Variants in LAMA2 observed in about 807,000 individuals in gnomAD.
The protein encoded by LAMA2 is laminin subunit alpha 2.
In LAMA2, 269 loss-of-function variants were observed where a neutral mutation model predicts 364.8. The ratio of observed to expected loss-of-function variants is 0.74; its 90% confidence interval spans 0.67 to 0.82. The LOEUF (loss-of-function observed/expected upper bound fraction) is 0.82. LAMA2 is among the 40% of genes least tolerant of loss of function. LAMA2 has a pLI of 0.00. For synonymous variants in LAMA2, 1,379 were observed against 1,370.6 expected, an observed-to-expected ratio of 1.01 and a Z score of -0.14; for missense variants, 3,807 against 3,873.2, an observed-to-expected ratio of 0.98 and a Z score of 0.45.
intron 32 of LAMA2, among the ~76,000 whole-genome samples, 178 bp downstream of exon 32, chr6:129,353,535 T>C (rs2114594239): frequency 6.6e-6 from 1 of 151,930 alleles, no homozygotes; most frequent in South Asian, 2.1e-4. Context: ...TGATTGCGTG[T>C]CCATCCTGCT....
intron 1 of LAMA2, among the ~76,000 whole-genome samples, chr6:128,957,076 C>A (rs1170085172): frequency 6.6e-6 from 1 of 151,934 alleles, no homozygotes; most frequent in Non-Finnish European, 1.5e-5. Flanking sequence ...AAGAAATTTG[C>A]CAGGGAAAGA....
At chr6:129,183,063 T>G (rs1781023844) in intron 10 of LAMA2, among the ~76,000 whole-genome samples, 1 of 152,032 alleles carries the variant, frequency 6.6e-6, no homozygotes, top group Non-Finnish European at 1.5e-5. Context: ...ATCATCATTA[T>G]ATTTCAAAAT....
chr6:129,077,997 C>T (rs961109078), intron 3 of LAMA2, among the ~76,000 whole-genome samples: 2 of 152,086 alleles, frequency 1.3e-5, no homozygotes, highest in African/African-American at 4.8e-5. Flanking sequence ...CGAATGTAAA[C>T]TATAGGCTTT....
chr6:129,106,190 A>T lies in LAMA2; in HGVS notation c.639+7775A>T, dbSNP rs1446464973. On this transcript the variant is annotated intron_variant, in intron 4 of 64. Coordinates refer to ENST00000421865, the MANE Select transcript of LAMA2 (RefSeq NM_000426.4). ...TTTGTAAACTGTATGTAGAGCTTTG[A>T]TATTATTTTGATTTCCTATGTGACA... Among the ~76,000 whole-genome samples, 6 of 150,516 alleles carry T rather than the reference A, an allele frequency of 4.0e-5. No homozygotes were observed. In the East Asian group the frequency reaches 7.8e-4, roughly 20 times the overall value.
chr6:129,204,655 GA>G (rs1429512336), intron 12 of LAMA2, among the ~76,000 whole-genome samples: 2 of 152,090 alleles, frequency 1.3e-5, no homozygotes, highest in Non-Finnish European at 2.9e-5. Context: ...CTAGAACTGT[GA>G]AACAATACAT....
chr6:129,269,044 T>C (rs1787731756), intron 16 of LAMA2, among the ~76,000 whole-genome samples: 1 of 152,144 alleles, frequency 6.6e-6, no homozygotes. Flanking sequence ...TTAAGTAGCA[T>C]GGTTTTTAGC....
At position 129,315,797 on chromosome 6, in the gene LAMA2, C is replaced by G. The variant is rs1459925112; in HGVS notation, c.3771C>G (p.Ile1257Met). 6.2e-7 allele frequency: 1 copy of G among 1,614,102 alleles called. No homozygotes were observed. Among genetic ancestry groups the G allele is most frequent in the Non-Finnish European group, 8.5e-7 (1 of 1,180,014 alleles). The change falls in exon 26 of 65, where the codon ATC becomes ATG. Residue 1257 changes from isoleucine to methionine, a missense_variant. Around this residue, in one of 3 missense-constraint regions of LAMA2, gnomAD observed 3,333 missense variants for 3,345.7 expected, o/e 1.00. Transcript: ENST00000421865. ...MAYGGKLKYAIYFEAREETGF... is the reference protein window; with the variant it reads ...MAYGGKLKYAMYFEAREETGF... ...ATGGGGGCAAACTCAAGTATGCAAT[C>G]TATTTCGAGGCTCGGGAAGAAACAG...
chr6:129,057,616 G>A (rs1788577953), intron 2 of LAMA2, among the ~76,000 whole-genome samples: 1 of 152,092 alleles, frequency 6.6e-6, no homozygotes, highest in Non-Finnish European at 1.5e-5. Context: ...CCACTGCTGT[G>A]AGCGGAATTT....
Position 129,171,250 on chromosome 6 carries a change from A to T in LAMA2, c.1306+5575A>T, listed in dbSNP as rs1405287868. On this transcript the variant is annotated intron_variant, in intron 9 of 64. Coordinates refer to ENST00000421865, the MANE Select transcript of LAMA2 (RefSeq NM_000426.4). ...AGCTGGTTATTTTGCTCGTTAGTTG[A>T]TGCAGTTTCTTCCTAGCATCGATGG... 7.2e-5 allele frequency among the ~76,000 whole-genome samples: 11 copies of T among 152,206 alleles called. No homozygotes were observed. The East Asian group carries it at 7.7e-4, about 11-fold the overall frequency.
At chr6:128,981,078 A>G (rs1320780381) in intron 1 of LAMA2, among the ~76,000 whole-genome samples, 1 of 152,174 alleles carries the variant, frequency 6.6e-6, no homozygotes, top group African/African-American at 2.4e-5. Context: ...TGCCTAAGTC[A>G]GAAACCTAGG....
intron 12 of LAMA2, among the ~76,000 whole-genome samples, chr6:129,224,683 C>G (rs1289371529): frequency 6.6e-6 from 1 of 152,150 alleles, no homozygotes; most frequent in East Asian, 1.9e-4. Flanking sequence ...GTGGATGAAG[C>G]CCACTTGATC....
intron 40 of LAMA2, among the ~76,000 whole-genome samples, chr6:129,426,320 C>G (rs1460614189): frequency 2.6e-5 from 4 of 152,070 alleles, no homozygotes; most frequent in Non-Finnish European, 5.9e-5. Flanking sequence ...TTTCCTGTCT[C>G]TAAATTGTTT....
chr6:129,370,814 A>G (rs1778032001), intron 34 of LAMA2, among the ~76,000 whole-genome samples: 1 of 152,238 alleles, frequency 6.6e-6, no homozygotes, highest in Non-Finnish European at 1.5e-5. Context: ...CAGGGACTTA[A>G]GCTGGACCCA....
intron 48 of LAMA2, among the ~76,000 whole-genome samples, chr6:129,457,349 A>G (rs1218026284): frequency 6.6e-6 from 1 of 152,268 alleles, no homozygotes; most frequent in East Asian, 1.9e-4. Flanking sequence ...GGTACATAGT[A>G]ATATATAGTC....
chr6:128,892,512 A>G (rs1776521972), intron 1 of LAMA2, among the ~76,000 whole-genome samples: 1 of 152,048 alleles, frequency 6.6e-6, no homozygotes, highest in Non-Finnish European at 1.5e-5. Context: ...AGATAAATAT[A>G]TGGCATATAG....
intron 30 of LAMA2, among the ~76,000 whole-genome samples, chr6:129,346,065 TAGTTCA>T (rs1470883644): frequency 6.6e-6 from 1 of 152,168 alleles, no homozygotes; most frequent in Non-Finnish European, 1.5e-5. Flanking sequence ...TCCACGGCAT[TAGTTCA>T]AGTCCTCATT....
At chr6:129,337,528 C>A (rs1776020763) in intron 29 of LAMA2, among the ~76,000 whole-genome samples, 1 of 152,032 alleles carries the variant, frequency 6.6e-6, no homozygotes, top group African/African-American at 2.4e-5. Flanking sequence ...TAAGGAAAAA[C>A]TTCACAGCTT....
At chr6:128,892,908 A>G (rs1776549073) in intron 1 of LAMA2, among the ~76,000 whole-genome samples, 1 of 151,988 alleles carries the variant, frequency 6.6e-6, no homozygotes, top group Non-Finnish European at 1.5e-5. Context: ...TACTCTAACA[A>G]ATCTCTAGAG....
intron 1 of LAMA2, among the ~76,000 whole-genome samples, chr6:129,010,432 C>T (rs939354683): frequency 1.3e-5 from 2 of 152,176 alleles, no homozygotes; most frequent in East Asian, 3.8e-4. Context: ...CAAACGCTCA[C>T]ACACATAGTG....
Sources: gnomAD v4.1 joint callset for allele counts (sites outside exome capture counted in the v4.1 genomes callset) on GRCh38, gnomAD v4.1.1 for gene constraint, gnomAD v4.1.1 regional missense constraint, MANE v1.5 for transcripts, NCBI Gene and HGNC (gene_info 2026-07-23, HGNC 2026-07-21) for gene names.